Variants in CA10 observed in about 807,000 individuals in gnomAD.
CA10 encodes the protein carbonic anhydrase 10 (inactive).
In CA10, 14 loss-of-function variants were observed where a neutral mutation model predicts 44.2. The ratio of observed to expected loss-of-function variants is 0.32; its 90% CI spans 0.21 to 0.50. CA10 has a LOEUF of 0.50. Ranked by LOEUF, CA10 falls within the 20% of genes least tolerant of loss-of-function variation. The pLI, the probability that CA10 is intolerant of heterozygous loss-of-function variation, is 0.99. For synonymous variants in CA10, 159 were observed against 141.6 expected (o/e 1.12, Z -0.87); for missense variants, 350 against 409.7 (o/e 0.85, Z 1.26).
intron 3 of CA10, among the ~76,000 whole-genome samples, chr17:51,859,230 A>T (rs906172802): frequency 1.2e-4 from 18 of 152,236 alleles, no homozygotes; most frequent in African/African-American, 4.3e-4. Context: ...AAAGTGTTGT[A>T]ATCACTTTCT....
chr17:51,837,830 T>C (rs545329947), intron 3 of CA10, among the ~76,000 whole-genome samples: 1 of 152,348 alleles, frequency 6.6e-6, no homozygotes, highest in East Asian at 1.9e-4. Flanking sequence ...GGCTAGATAT[T>C]TGGAGTTTCA....
intron 4 of CA10, among the ~76,000 whole-genome samples, chr17:51,681,123 G>C (rs916313772): frequency 2.6e-5 from 4 of 152,148 alleles, no homozygotes; most frequent in Non-Finnish European, 4.4e-5. Flanking sequence ...GAAAGAGCTG[G>C]GTATGATTTC....
chr17:51,936,273 G>A (rs1291165496), intron 2 of CA10, among the ~76,000 whole-genome samples: 1 of 152,150 alleles, frequency 6.6e-6, no homozygotes, highest in Admixed American at 6.6e-5. Context: ...TTGCAGGCTA[G>A]TGGGAAATAT....
chr17:51,732,552 A>T (rs957514211), intron 4 of CA10, among the ~76,000 whole-genome samples: 5 of 152,174 alleles, frequency 3.3e-5, no homozygotes, highest in Admixed American at 6.6e-5. Flanking sequence ...CCACTGTGGC[A>T]GACATCTTTT....
chr17:51,639,086 C>A (rs141778777), intron 6 of CA10, among the ~76,000 whole-genome samples: 1 of 152,094 alleles, frequency 6.6e-6, no homozygotes, highest in African/African-American at 2.4e-5. Context: ...GCGGAACCAC[C>A]GAAGGGATTG....
At chr17:51,954,639 A>C (rs907630121) in intron 2 of CA10, among the ~76,000 whole-genome samples, 1 of 152,224 alleles carries the variant, frequency 6.6e-6, no homozygotes, top group East Asian at 1.9e-4. Context: ...GCACTGGTTT[A>C]ATCAGAGAGT....
chr17:51,848,512 G>GC (rs545057242), intron 3 of CA10, among the ~76,000 whole-genome samples: 384 of 152,298 alleles, frequency 2.5e-3, no homozygotes, highest in Middle Eastern at 6.8e-3. Flanking sequence ...CACAGCACTG[G>GC]CCTGTGGAGA....
intron 1 of CA10, among the ~76,000 whole-genome samples, chr17:52,097,408 T>C (rs1213413919): frequency 6.6e-6 from 1 of 152,260 alleles, no homozygotes; most frequent in Admixed American, 6.5e-5. Flanking sequence ...CATCAAATGG[T>C]TTATTAGACT....
intron 2 of CA10, among the ~76,000 whole-genome samples, chr17:52,026,051 A>C (rs1293796845): frequency 1.3e-5 from 2 of 152,080 alleles, no homozygotes; most frequent in Non-Finnish European, 2.9e-5. Context: ...ATATCTTTTA[A>C]ATTGAGAGAA....
intron 2 of CA10, among the ~76,000 whole-genome samples, chr17:52,048,912 G>A (rs1317208207): frequency 1.3e-5 from 2 of 151,498 alleles, no homozygotes; most frequent in East Asian, 4.2e-4. Context: ...ATAGGATGCT[G>A]TTGTGCTTTG....
At chr17:51,935,419 T>G (rs530989721) in intron 2 of CA10, among the ~76,000 whole-genome samples, 1 of 152,166 alleles carries the variant, frequency 6.6e-6, no homozygotes, top group African/African-American at 2.4e-5. Flanking sequence ...TCACTCTAAT[T>G]AATGGACAAC....
chr17:52,151,459 G>T (rs1428982483), intron 1 of CA10, among the ~76,000 whole-genome samples: 1 of 152,050 alleles, frequency 6.6e-6, no homozygotes, highest in Non-Finnish European at 1.5e-5. Flanking sequence ...ACAAACGACA[G>T]AGTTAATTGC....
chr17:51,861,922 T>C (rs1979328400), intron 3 of CA10, among the ~76,000 whole-genome samples: 1 of 152,204 alleles, frequency 6.6e-6, no homozygotes, highest in Non-Finnish European at 1.5e-5. Context: ...TAAAATGAAC[T>C]ATAATGGATT....
intron 4 of CA10, among the ~76,000 whole-genome samples, chr17:51,722,426 AG>A (rs1295304929): frequency 6.6e-6 from 1 of 152,220 alleles, no homozygotes; most frequent in African/African-American, 2.4e-5. Context: ...TCTTTTCAAC[AG>A]GACTGATATG....
At chr17:52,005,414 G>C (rs1287103571) in intron 2 of CA10, among the ~76,000 whole-genome samples, 1 of 151,880 alleles carries the variant, frequency 6.6e-6, no homozygotes, top group Non-Finnish European at 1.5e-5. Context: ...TGAAGAAGGT[G>C]GGCAGTCCAC....
chr17:51,998,856 C>T (rs1985327826), intron 2 of CA10, among the ~76,000 whole-genome samples: 2 of 151,984 alleles, frequency 1.3e-5, no homozygotes, highest in South Asian at 2.1e-4. Context: ...GTCTCTCCAC[C>T]TCTTCTCTCT....
intron 3 of CA10, among the ~76,000 whole-genome samples, chr17:51,795,642 T>G (rs1187545036): frequency 6.6e-6 from 1 of 152,218 alleles, no homozygotes; most frequent in Admixed American, 6.5e-5. Context: ...TCTGTGTTTC[T>G]TGGCATCACT....
intron 2 of CA10, among the ~76,000 whole-genome samples, chr17:51,949,080 T>C (rs568916282): frequency 6.6e-6 from 1 of 152,174 alleles, no homozygotes. Flanking sequence ...GAGAATACTT[T>C]GTTATTCCTA....
At chr17:51,788,384 C>A (rs1169449324) in intron 3 of CA10, among the ~76,000 whole-genome samples, 1 of 152,158 alleles carries the variant, frequency 6.6e-6, no homozygotes, top group Non-Finnish European at 1.5e-5. Flanking sequence ...CTACCATTGA[C>A]AATGGTCCAA....
Sources: gnomAD v4.1 joint callset for allele counts (sites outside exome capture counted in the v4.1 genomes callset) on GRCh38, gnomAD v4.1.1 for gene constraint, MANE v1.5 for transcripts, NCBI Gene and HGNC (gene_info 2026-07-23, HGNC 2026-07-21) for gene names.